Variants in PRKAR2A observed in about 807,000 individuals in gnomAD.
PRKAR2A encodes protein kinase cAMP-dependent type II regulatory subunit alpha.
PRKAR2A carries 29 observed loss-of-function variants against 51.9 expected under a neutral mutation model. That is an observed-to-expected ratio of 0.56 (90% confidence interval 0.42 to 0.76). PRKAR2A has a LOEUF of 0.76. Among genes scored for constraint, PRKAR2A ranks in the 30% least tolerant of loss-of-function variants. The probability of loss-of-function intolerance (pLI) is 0.00; values close to 1 mark genes in which losing one functional copy is unlikely to be tolerated. For missense variants in PRKAR2A, 445 were observed against 512.1 expected (o/e 0.87, Z 1.26); for synonymous variants, 178 against 186.2 (o/e 0.96, Z 0.36).
intron 1 of PRKAR2A, among the ~76,000 whole-genome samples, chr3:48,831,909 C>T (rs1476372631): frequency 6.6e-6 from 1 of 152,154 alleles, no homozygotes; most frequent in East Asian, 1.9e-4. Context: ...TGAGCCACCA[C>T]AACTGGCCTC....
chr3:48,764,582 AT>A (rs2081909959), intron 8 of PRKAR2A, among the ~76,000 whole-genome samples: 1 of 152,120 alleles, frequency 6.6e-6, no homozygotes, highest in African/African-American at 2.4e-5. Flanking sequence ...AGTATGATCT[AT>A]TACCTGGTAA....
At chr3:48,759,303 T>C (rs1008083280) in intron 8 of PRKAR2A, among the ~76,000 whole-genome samples, 2 of 152,004 alleles carry the variant, frequency 1.3e-5, no homozygotes, top group African/African-American at 2.4e-5. Flanking sequence ...TCAGGCTTTG[T>C]AGGACTGCTG....
intron 6 of PRKAR2A, 47 bp from the exon 7 acceptor site, chr3:48,765,396 A>G: frequency 7.6e-7 from 1 of 1,318,718 alleles, no homozygotes; most frequent in South Asian, 1.3e-5. Flanking sequence ...ATATACAGGA[A>G]CATCTATGGT....
At chr3:48,813,424 G>A (rs1265951745) in intron 1 of PRKAR2A, among the ~76,000 whole-genome samples, 1 of 151,526 alleles carries the variant, frequency 6.6e-6, no homozygotes, top group African/African-American at 2.4e-5. Context: ...GGCTGGACAT[G>A]GTGGCTCACG....
chr3:48,773,448 A>G (rs1288093094), intron 5 of PRKAR2A, among the ~76,000 whole-genome samples: 1 of 143,256 alleles, frequency 7.0e-6, no homozygotes, highest in Admixed American at 7.7e-5. Flanking sequence ...GGCTCACGCC[A>G]TTCTCCTGCC....
At chr3:48,780,885 TA>T in intron 5 of PRKAR2A, among the ~76,000 whole-genome samples, 1 of 152,284 alleles carries the variant, frequency 6.6e-6, no homozygotes, top group South Asian at 2.1e-4. Flanking sequence ...TGTTCTGTAG[TA>T]AAGTAAGAGA....
At chr3:48,746,374 A>G (rs905338528), downstream of PRKAR2A, among the ~76,000 whole-genome samples, 2 of 151,582 alleles carry the variant, frequency 1.3e-5, no homozygotes, top group African/African-American at 4.8e-5. Flanking sequence ...AAAAAAAAAA[A>G]AAAAGAATCT....
intron 6 of PRKAR2A, among the ~76,000 whole-genome samples, chr3:48,765,770 G>GAATA (rs200320055): frequency 0.01 from 1,230 of 121,180 alleles, 13 homozygotes; most frequent in African/African-American, 0.036. Context: ...CCAAAAGAGA[G>GAATA]AATAAAACAA....
At chr3:48,786,727 A>G (rs1010031648) in intron 4 of PRKAR2A, among the ~76,000 whole-genome samples, 2 of 152,136 alleles carry the variant, frequency 1.3e-5, no homozygotes, top group Middle Eastern at 3.2e-3. Flanking sequence ...TGTTAATCAT[A>G]ATAGCTAAAA....
Position 48,772,971 on chromosome 3 carries a change from C to A in PRKAR2A, c.680G>T (p.Gly227Val). 1 of 1,611,800 alleles carries A rather than the reference C, an allele frequency of 6.2e-7. No individual in the cohort carries two copies. The highest frequency in any genetic ancestry group is 8.5e-7 in the Non-Finnish European group (1 of 1,178,862). ...RAATIVATSEGSLWGLDRVTF... is the reference protein window; with the variant it reads ...RAATIVATSEVSLWGLDRVTF... ...CTCACTCACCAGTCCCCAAAGGGAGCCTTCTGAGGTAGCAACAATGGTAGC... is the reference window on the plus strand; with the variant it reads ...CTCACTCACCAGTCCCCAAAGGGAGACTTCTGAGGTAGCAACAATGGTAGC... Residue 227 changes from glycine to valine, a missense_variant, in exon 6 of 11, where the codon GGC (glycine) becomes GTC (valine). Coordinates refer to ENST00000265563, the MANE Select transcript of PRKAR2A (RefSeq NM_004157.4).
In PRKAR2A at chr3:48,843,618, G is replaced by C. The variant is rs901506171; in HGVS notation, c.262+3717C>G. Among the ~76,000 whole-genome samples the C allele has an allele frequency of 5.3e-5, 8 of 152,118 alleles. 1 individual carries two copies. The highest frequency in any genetic ancestry group is 4.6e-4 in the Admixed American group (7 of 15,246). ...AGGCTACAGTAACCAAAACAGCATGGTACTGGTACCAAAACAGAGATATAG... is the reference window on the plus strand; with the variant it reads ...AGGCTACAGTAACCAAAACAGCATGCTACTGGTACCAAAACAGAGATATAG... On this transcript the variant is annotated intron_variant, in intron 1 of 10. Coordinates refer to ENST00000265563, the MANE Select transcript of PRKAR2A (RefSeq NM_004157.4).
intron 9 of PRKAR2A, among the ~76,000 whole-genome samples, chr3:48,753,278 TA>T (rs2081693616): frequency 6.6e-6 from 1 of 151,724 alleles, no homozygotes; most frequent in Non-Finnish European, 1.5e-5. Context: ...TACTACATTA[TA>T]TTAATATCTA....
chr3:48,846,508 C>T (rs1191521942), intron 1 of PRKAR2A, among the ~76,000 whole-genome samples: 3 of 152,196 alleles, frequency 2.0e-5, no homozygotes, highest in Non-Finnish European at 4.4e-5. Context: ...TGACCCACCA[C>T]GCCCGGCCAG....
downstream of PRKAR2A, among the ~76,000 whole-genome samples, chr3:48,746,353 TAAA>T (rs34195938): frequency 1.9e-4 from 13 of 68,296 alleles, no homozygotes; most frequent in East Asian, 4.8e-4. Context: ...ATCCTGTCAC[TAAA>T]AAAAAAAAAA....
chr3:48,794,568 G>A (rs550062065), intron 2 of PRKAR2A, among the ~76,000 whole-genome samples: 85 of 151,954 alleles, frequency 5.6e-4, no homozygotes, highest in African/African-American at 1.3e-3. Context: ...GGTGGTGTGC[G>A]CCTGTAGTCC....
chr3:48,842,173 C>T (rs1213633782), intron 1 of PRKAR2A, among the ~76,000 whole-genome samples: 1 of 152,146 alleles, frequency 6.6e-6, no homozygotes, highest in Admixed American at 6.6e-5. Context: ...CTCTTTGAAG[C>T]AATTGTGAAT....
At chr3:48,783,196 A>T (rs1433478492) in intron 4 of PRKAR2A, 104 bp from the exon 5 acceptor site, 8 of 734,046 alleles carry the variant, frequency 1.1e-5, no homozygotes, top group South Asian at 1.6e-5. Context: ...AAGTCCCCAC[A>T]TTCAAGCAGA....
intron 2 of PRKAR2A, among the ~76,000 whole-genome samples, chr3:48,799,060 C>T (rs1352339035): frequency 1.3e-5 from 2 of 152,154 alleles, no homozygotes; most frequent in Non-Finnish European, 2.9e-5. Flanking sequence ...AAATTACTTC[C>T]TTTATTTTCT....
Position 48,752,202 on chromosome 3 carries a change from T to C in PRKAR2A, c.1055A>G (p.Tyr352Cys). 1 of 1,614,118 alleles carries C rather than the reference T, an allele frequency of 6.2e-7. No individual in the cohort carries two copies. Among genetic ancestry groups the C allele is most frequent in the Non-Finnish European group, 8.5e-7 (1 of 1,180,000 alleles). Residue 352 changes from tyrosine to cysteine, a missense_variant, in exon 10 of 11, where the codon TAT becomes TGT. Tyr to Cys is a radical substitution (Grantham distance 194, BLOSUM62 -2). Transcript: ENST00000265563. The stretch of plus-strand genomic sequence containing the variant: ...TAAGCATTTGACATCTCCAACTGCA[T>C]AAGCTGAGGCAGCTCTGGGTTTGTT... ...VTNKPRAASA[Y>C]AVGDVKCLVM...
Sources: gnomAD v4.1 joint callset for allele counts (sites outside exome capture counted in the v4.1 genomes callset) on GRCh38, gnomAD v4.1.1 for gene constraint, MANE v1.5 for transcripts, NCBI Gene and HGNC (gene_info 2026-07-23, HGNC 2026-07-21) for gene names.